PCDH15: variants seen among roughly 807,000 people sequenced by gnomAD.
PCDH15 encodes protocadherin related 15.
Under a neutral mutation model 178.5 loss-of-function variants are expected in PCDH15, and 129 were observed. That is an observed-to-expected ratio of 0.72 (90% CI 0.63 to 0.84). The LOEUF (loss-of-function observed/expected upper bound fraction) is 0.84, where lower values mean the gene tolerates loss of function less well. Among genes scored for constraint, PCDH15 ranks in the 40% least tolerant of loss-of-function variants. The pLI is 0.00. For missense variants in PCDH15, 2,230 were observed against 2,099.9 expected (o/e 1.06, Z -1.21); for synonymous variants, 800 against 732.0 (o/e 1.09, Z -1.50).
intron 2 of PCDH15, among the ~76,000 whole-genome samples, chr10:55,547,368 T>A (rs1261594989): frequency 6.6e-6 from 1 of 152,078 alleles, no homozygotes; most frequent in East Asian, 1.9e-4. Flanking sequence ...AAGAAAGGGA[T>A]GTGTAACTCA....
chr10:54,719,718 C>G (rs11004482), intron 1 of PCDH15, among the ~76,000 whole-genome samples: 18,479 of 151,852 alleles, frequency 0.12, 1,246 homozygotes, highest in African/African-American at 0.17. Context: ...TTTTTTTCCC[C>G]TTCGTGTGTC....
intron 2 of PCDH15, among the ~76,000 whole-genome samples, chr10:55,521,701 T>C (rs191022450): frequency 7.2e-5 from 11 of 152,002 alleles, no homozygotes; most frequent in East Asian, 1.9e-4. Context: ...TTTATTTACA[T>C]TGGGTATAGA....
intron 3 of PCDH15, among the ~76,000 whole-genome samples, chr10:54,482,580 C>CAGAAGGTGTTCAGGAAA: frequency 6.6e-6 from 1 of 151,686 alleles, no homozygotes; most frequent in Admixed American, 6.6e-5. Flanking sequence ...CTCAATTTCT[C>CAGAAGGTGTTCAGGAAA]AGAAGGTGTT....
intron 3 of PCDH15, among the ~76,000 whole-genome samples, chr10:54,826,902 T>G (rs1420118787): frequency 1.3e-5 from 2 of 152,106 alleles, no homozygotes; most frequent in African/African-American, 4.8e-5. Flanking sequence ...CTAGTGAACT[T>G]ATATGCAGAC....
intron 19 of PCDH15, among the ~76,000 whole-genome samples, chr10:54,022,403 C>T (rs2092951459): frequency 6.6e-6 from 1 of 151,812 alleles, no homozygotes. Context: ...CAATTTGTAA[C>T]TCTCTATATT....
At chr10:55,344,679 T>A (rs1046398800) in intron 2 of PCDH15, among the ~76,000 whole-genome samples, 4 of 151,936 alleles carry the variant, frequency 2.6e-5, no homozygotes, top group East Asian at 1.9e-4. Context: ...TGGGTCAGAT[T>A]ATGTTTGAGA....
At chr10:55,484,959 C>T (rs974837254) in intron 2 of PCDH15, among the ~76,000 whole-genome samples, 4 of 151,670 alleles carry the variant, frequency 2.6e-5, no homozygotes, top group Non-Finnish European at 5.9e-5. Flanking sequence ...GAAAACACTT[C>T]ATGATATTGT....
At chr10:55,432,086 C>CACACACACACAT (rs1349238077) in intron 2 of PCDH15, among the ~76,000 whole-genome samples, 4 of 60,478 alleles carry the variant, frequency 6.6e-5, no homozygotes, top group Non-Finnish European at 1.2e-4. Context: ...CATTTAAACA[C>CACACACACACAT]ACACACACAC....
chr10:55,355,682 C>G (rs1845058398), intron 2 of PCDH15, among the ~76,000 whole-genome samples: 1 of 151,834 alleles, frequency 6.6e-6, no homozygotes, highest in Admixed American at 6.6e-5. Context: ...AACGTTTTCT[C>G]TCAGTTTGTA....
chr10:55,020,500 A>G (rs1424387249), intron 2 of PCDH15, among the ~76,000 whole-genome samples: 1 of 152,190 alleles, frequency 6.6e-6, no homozygotes, highest in African/African-American at 2.4e-5. Context: ...AAAGACAAGC[A>G]AAACAAAGGG....
intron 15 of PCDH15, among the ~76,000 whole-genome samples, chr10:54,090,725 C>T (rs1312414490): frequency 2.0e-5 from 3 of 150,268 alleles, no homozygotes; most frequent in African/African-American, 7.3e-5. Flanking sequence ...TTTTTCTGTT[C>T]AGAATATATC....
intron 18 of PCDH15, among the ~76,000 whole-genome samples, chr10:54,034,659 C>G (rs891670813): frequency 6.6e-6 from 1 of 151,688 alleles, no homozygotes; most frequent in African/African-American, 2.4e-5. Flanking sequence ...GTGAAACTGC[C>G]TTTTGAATTA....
At chr10:53,926,165 T>A (rs1375231109) in intron 25 of PCDH15, among the ~76,000 whole-genome samples, 2 of 152,226 alleles carry the variant, frequency 1.3e-5, no homozygotes, top group Non-Finnish European at 2.9e-5. Context: ...ATCCTAGTTC[T>A]AGTTTGGGAC....
intron 8 of PCDH15, among the ~76,000 whole-genome samples, chr10:54,241,247 T>G (rs540944073): frequency 3.6e-4 from 55 of 152,302 alleles, no homozygotes; most frequent in African/African-American, 1.3e-3. Context: ...TGCTGTTGCT[T>G]ATTCTCTGTC....
chr10:54,096,265 T>C (rs2136108341), intron 15 of PCDH15, among the ~76,000 whole-genome samples: 1 of 151,994 alleles, frequency 6.6e-6, no homozygotes, highest in East Asian at 2.0e-4. Flanking sequence ...TTTCCCAGTA[T>C]CCCTTTTGAT....
chr10:54,810,657 A>T (rs193105440), intron 3 of PCDH15, among the ~76,000 whole-genome samples: 20 of 152,274 alleles, frequency 1.3e-4, no homozygotes, highest in African/African-American at 4.8e-4. Context: ...CAACCCCTAG[A>T]GTGTACAATG....
intron 28 of PCDH15, among the ~76,000 whole-genome samples, chr10:53,849,856 G>A (rs1200444273): frequency 6.6e-5 from 5 of 75,496 alleles, no homozygotes; most frequent in Non-Finnish European, 1.1e-4. Flanking sequence ...GGAAGGCTCC[G>A]TCTCAAAAAA....
At chr10:54,899,773 G>C (rs901387890) in intron 2 of PCDH15, among the ~76,000 whole-genome samples, 2 of 152,056 alleles carry the variant, frequency 1.3e-5, no homozygotes, top group Non-Finnish European at 2.9e-5. Context: ...AGGATTATAA[G>C]CATGAGCCAC....
intron 3 of PCDH15, among the ~76,000 whole-genome samples, chr10:54,510,293 C>G (rs893545824): frequency 6.6e-6 from 1 of 152,096 alleles, no homozygotes; most frequent in Non-Finnish European, 1.5e-5. Flanking sequence ...AGAGTGATAG[C>G]CAAAGAACAT....
Sources: gnomAD v4.1 joint callset for allele counts (sites outside exome capture counted in the v4.1 genomes callset) on GRCh38, gnomAD v4.1.1 for gene constraint, MANE v1.5 for transcripts, NCBI Gene and HGNC (gene_info 2026-07-23, HGNC 2026-07-21) for gene names.